Variants in ELAPOR2 observed in about 807,000 individuals in gnomAD.
The protein encoded by ELAPOR2 is endosome-lysosome associated apoptosis and autophagy regulator family member 2.
A neutral mutation model predicts 120.7 loss-of-function variants in ELAPOR2; 89 were observed. That is an observed-to-expected ratio of 0.74 (90% CI 0.62 to 0.88). The LOEUF (loss-of-function observed/expected upper bound fraction) is 0.88. Among genes scored for constraint, ELAPOR2 ranks in the 40% least tolerant of loss-of-function variants. The pLI is 0.00. For missense variants in ELAPOR2, 1,134 were observed against 1,251.6 expected, an observed-to-expected ratio of 0.91 and a Z score of 1.42; for synonymous variants, 444 against 444.9, an observed-to-expected ratio of 1.00 and a Z score of 0.03.
chr7:86,958,561 CCAGA>C (rs1791568893), intron 2 of ELAPOR2, among the ~76,000 whole-genome samples: 1 of 152,180 alleles, frequency 6.6e-6, no homozygotes, highest in Non-Finnish European at 1.5e-5. Flanking sequence ...GATTGAGTTG[CCAGA>C]ATCTCTGGCC....
chr7:86,895,223 T>G (rs1788384869), intron 19 of ELAPOR2, among the ~76,000 whole-genome samples: 1 of 152,180 alleles, frequency 6.6e-6, no homozygotes, highest in South Asian at 2.1e-4. Context: ...CAATAAAAAA[T>G]GCAGCAATAT....
At chr7:86,951,779 T>C (rs968916958) in intron 2 of ELAPOR2, among the ~76,000 whole-genome samples, 2 of 152,220 alleles carry the variant, frequency 1.3e-5, no homozygotes, top group African/African-American at 4.8e-5. Flanking sequence ...CTTGTTTAAG[T>C]GTATTTCTTT....
intron 2 of ELAPOR2, among the ~76,000 whole-genome samples, chr7:86,950,135 A>G (rs1237749602): frequency 1.3e-5 from 2 of 152,180 alleles, no homozygotes. Context: ...CTCTGCTGAG[A>G]GCTGAACAGT....
At chr7:86,893,334 A>G (rs960829579) in intron 19 of ELAPOR2, among the ~76,000 whole-genome samples, 5 of 152,118 alleles carry the variant, frequency 3.3e-5, no homozygotes, top group Admixed American at 3.3e-4. Context: ...GAAAAATGTA[A>G]AAACCAAATA....
chr7:87,040,331 CA>C (rs1208705576), intron 1 of ELAPOR2, among the ~76,000 whole-genome samples: 1 of 152,210 alleles, frequency 6.6e-6, no homozygotes, highest in Admixed American at 6.5e-5. Flanking sequence ...CACAGACAAA[CA>C]AAAAGACAGC....
chr7:86,878,388 AT>A lies in ELAPOR2; in HGVS notation c.*2082del. On this transcript the variant is annotated 3_prime_UTR_variant, in exon 22 of 22. Transcript: ENST00000450689. ...TGACAAAATATATTTAATATCTAAA[AT>A]TAGAAATAAAATAAATTCTCCAATA... The A allele has an allele frequency of 6.6e-6, 1 of 152,366 alleles. No individual in the cohort carries two copies. The highest frequency in any genetic ancestry group is 1.5e-5 in the Non-Finnish European group (1 of 68,036). The allele number at this position is 152,366 out of a possible 1,614,324, so 9.4% of individuals were successfully genotyped here.
chr7:86,995,106 T>A (rs1292764610), intron 1 of ELAPOR2, among the ~76,000 whole-genome samples: 2 of 152,162 alleles, frequency 1.3e-5, no homozygotes, highest in Non-Finnish European at 1.5e-5. Flanking sequence ...ACAGCTGTAG[T>A]AGTTTCAAGC....
In ELAPOR2 at chr7:86,981,288, G is replaced by A. The variant is rs561176656; in HGVS notation, c.190-16264C>T. Among the ~76,000 whole-genome samples, 6 of 152,090 alleles carry A rather than the reference G, an allele frequency of 3.9e-5. No homozygotes were observed. In the South Asian group the frequency reaches 8.3e-4, roughly 21 times the overall value. ...GCTGGGACTCTGTGATACATCTCAC[G>A]CCACTCTCTAGCTCCTTTCCATTTC... On this transcript the variant is annotated intron_variant, in intron 1 of 21. Coordinates refer to ENST00000450689, the MANE Select transcript of ELAPOR2 (RefSeq NM_001142749.3).
intron 1 of ELAPOR2, among the ~76,000 whole-genome samples, chr7:86,989,740 TAAG>T (rs1194992578): frequency 1.3e-5 from 2 of 152,134 alleles, no homozygotes; most frequent in Non-Finnish European, 2.9e-5. Flanking sequence ...ATTGAAATCT[TAAG>T]GAGCAGAAAA....
rs1298688798 is a variant in ELAPOR2 at position 86,878,536 on chromosome 7, T to G, written c.*1935A>C. On this transcript the variant is annotated 3_prime_UTR_variant, in exon 22 of 22. Transcript: ENST00000450689. Reference sequence around the variant, plus strand: ...AGAAAATCCCAATTATCTCTATGGCTTGGAACATACATATTGAACACAGTG... The same window carrying G: ...AGAAAATCCCAATTATCTCTATGGCGTGGAACATACATATTGAACACAGTG... 2 of 152,190 alleles carry G rather than the reference T, an allele frequency of 1.3e-5. No homozygotes were observed. The highest frequency in any genetic ancestry group is 1.3e-4 in the Admixed American group (2 of 15,258). 9.4% of individuals were successfully genotyped at this position (152,190 alleles called of 1,614,324 possible).
At chr7:86,991,709 C>T (rs1284497697) in intron 1 of ELAPOR2, among the ~76,000 whole-genome samples, 1 of 152,202 alleles carries the variant, frequency 6.6e-6, no homozygotes, top group Non-Finnish European at 1.5e-5. Flanking sequence ...AGTCATGAGG[C>T]TCCTTCTGTC....
intron 2 of ELAPOR2, among the ~76,000 whole-genome samples, chr7:86,963,857 C>T (rs908578145): frequency 6.6e-6 from 1 of 152,188 alleles, no homozygotes; most frequent in Admixed American, 6.5e-5. Context: ...ACTGTTGCTA[C>T]ACTGAAGCTT....
intron 15 of ELAPOR2, chr7:86,911,757 A>G (rs1584339976): frequency 3.9e-6 from 2 of 509,598 alleles, no homozygotes; most frequent in East Asian, 5.2e-5. Context: ...CTTCCTGCCT[A>G]AAGAGGTAAG....
intron 1 of ELAPOR2, among the ~76,000 whole-genome samples, chr7:87,010,959 G>C (rs1407059349): frequency 1.3e-5 from 2 of 152,000 alleles, no homozygotes; most frequent in African/African-American, 2.4e-5. Context: ...TCCTGGATTA[G>C]ATAAATTTTT....
intron 1 of ELAPOR2, among the ~76,000 whole-genome samples, chr7:87,042,073 T>C (rs1056507194): frequency 6.0e-5 from 9 of 150,024 alleles, no homozygotes; most frequent in African/African-American, 9.9e-5. Flanking sequence ...ATCCTAAATA[T>C]ATATGCACCC....
At chr7:87,038,116 C>T (rs6962788) in intron 1 of ELAPOR2, among the ~76,000 whole-genome samples, 6,368 of 152,246 alleles carry the variant, frequency 0.042, 153 homozygotes, top group Middle Eastern at 0.095. Flanking sequence ...ATATCTAAAA[C>T]ACACTCTTAG....
chr7:86,919,164 G>A (rs1789703172), intron 11 of ELAPOR2, 56 bp downstream of exon 11: 2 of 1,264,114 alleles, frequency 1.6e-6, no homozygotes, highest in Non-Finnish European at 2.3e-6. Context: ...CTTTATTTCT[G>A]TGGGGAAACA....
At chr7:87,057,681 T>C (rs1456397600) in intron 1 of ELAPOR2, among the ~76,000 whole-genome samples, 1 of 152,180 alleles carries the variant, frequency 6.6e-6, no homozygotes, top group Non-Finnish European at 1.5e-5. Flanking sequence ...ATCTTTGTTT[T>C]AGGTTGCAGA....
At chr7:87,007,965 G>T (rs1793539630) in intron 1 of ELAPOR2, among the ~76,000 whole-genome samples, 1 of 152,258 alleles carries the variant, frequency 6.6e-6, no homozygotes, top group Non-Finnish European at 1.5e-5. Context: ...CCCATTAAAG[G>T]GTTGCCAAAA....
Sources: gnomAD v4.1 joint callset for allele counts (sites outside exome capture counted in the v4.1 genomes callset) on GRCh38, gnomAD v4.1.1 for gene constraint, MANE v1.5 for transcripts, NCBI Gene and HGNC (gene_info 2026-07-23, HGNC 2026-07-21) for gene names.